Variants in ASPH observed in about 807,000 individuals in gnomAD.
ASPH encodes aspartyl/asparaginyl beta-hydroxylase.
In ASPH, 100 loss-of-function variants were observed where a neutral mutation model predicts 118.4. That is an observed-to-expected ratio of 0.84 (90% CI 0.72 to 1.00). The LOEUF (loss-of-function observed/expected upper bound fraction) is 1.00, where lower values mean the gene tolerates loss of function less well. ASPH is among the 50% of genes least tolerant of loss of function. ASPH has a pLI of 0.00. For missense variants in ASPH, 920 were observed against 919.5 expected (o/e 1.00, Z -0.01); for synonymous variants, 315 against 325.6 (o/e 0.97, Z 0.35).
chr8:61,595,054 A>G (rs1842155328), intron 14 of ASPH, among the ~76,000 whole-genome samples: 1 of 152,238 alleles, frequency 6.6e-6, no homozygotes, highest in South Asian at 2.1e-4. Context: ...TTTAGATATC[A>G]TCTGAGATTT....
chr8:61,584,375 G>T (rs7826849), intron 14 of ASPH, among the ~76,000 whole-genome samples: 132,444 of 152,266 alleles, frequency 0.87, 57,849 homozygotes, highest in African/African-American at 0.91. Context: ...ATGTCCAAAA[G>T]ATTGTTTAAA....
At chr8:61,508,155 C>T (rs1049173535) in intron 24 of ASPH, among the ~76,000 whole-genome samples, 2 of 152,184 alleles carry the variant, frequency 1.3e-5, no homozygotes, top group East Asian at 1.9e-4. Flanking sequence ...CCTAGGACTA[C>T]AGGTATGTGC....
At chr8:61,541,607 CT>C (rs1355271635) in intron 21 of ASPH, among the ~76,000 whole-genome samples, 2 of 152,176 alleles carry the variant, frequency 1.3e-5, no homozygotes, top group African/African-American at 4.8e-5. Flanking sequence ...TCAATGAACT[CT>C]GGGTTTCTGC....
At chr8:61,518,558 T>C (rs1340129167) in intron 22 of ASPH, among the ~76,000 whole-genome samples, 4 of 152,186 alleles carry the variant, frequency 2.6e-5, no homozygotes, top group Non-Finnish European at 5.9e-5. Flanking sequence ...GATTAACATA[T>C]TTTGTATGTT....
intron 5 of ASPH, among the ~76,000 whole-genome samples, chr8:61,648,480 A>G (rs1809192082): frequency 1.3e-5 from 2 of 152,164 alleles, no homozygotes; most frequent in Admixed American, 1.3e-4. Context: ...ACCAATTTGA[A>G]TTTCTGCTAC....
In ASPH at chr8:61,646,756, G is replaced by GAGAT; in HGVS notation, c.609_612dup (p.His205IlefsTer3). The GAGAT allele has an allele frequency of 1.2e-5, 19 of 1,611,926 alleles. No homozygotes were observed. The highest frequency in any genetic ancestry group is 1.6e-5 in the Non-Finnish European group (19 of 1,178,780). ...TGAAAAAAAAGTGTTCTACCTTCATGAGATACTTCAGGTTCCAGGGTCTCA... is the reference window on the plus strand; with the variant it reads ...TGAAAAAAAAGTGTTCTACCTTCATGAGATAGATACTTCAGGTTCCAGGGTCTCA... On this transcript the variant is annotated frameshift_variant, in exon 6 of 25. Transcript: ENST00000379454. LOFTEE classifies it high-confidence loss of function.
In ASPH at chr8:61,668,346, T is replaced by C. The variant is rs1820745847; in HGVS notation, c.322+12622A>G. On this transcript the variant is annotated intron_variant, in intron 3 of 24. Transcript: ENST00000379454. ...AAGGGAATTCAAAAATAAGTGTCTA[T>C]TAAATAGGTAAAATCAATGCCACTA... 4 of 1,271,656 alleles carry C rather than the reference T, an allele frequency of 3.1e-6. No homozygotes were observed. In the Admixed American group the frequency reaches 8.3e-5, roughly 26 times the overall value. 78.8% of individuals were successfully genotyped at this position (1,271,656 alleles called of 1,614,324 possible). A position where few individuals can be genotyped will look rare whatever the true frequency, so the allele number is the denominator to read the frequency against.
At chr8:61,654,486 T>C (rs957992200) in intron 3 of ASPH, among the ~76,000 whole-genome samples, 45 of 152,222 alleles carry the variant, frequency 3.0e-4, no homozygotes, top group African/African-American at 1.1e-3. Context: ...TCACTGTGCA[T>C]GGACAGCCTG....
intron 7 of ASPH, 137 bp downstream of exon 7, chr8:61,644,463 C>T (rs533106500): frequency 1.6e-4 from 95 of 608,816 alleles, no homozygotes; most frequent in South Asian, 1.7e-4. Context: ...AAATATAAGA[C>T]GTAATAAAAT....
Position 61,534,956 on chromosome 8 carries a change from G to A in ASPH, c.1765-8844C>T, listed in dbSNP as rs115840212. Among the ~76,000 whole-genome samples the A allele has an allele frequency of 8.8e-3, 1,341 of 152,286 alleles. 20 individuals carry two copies. The highest frequency in any genetic ancestry group is 0.03 in the African/African-American group (1,242 of 41,558). ...GGTTTCTTTCGAGGGCTCTCTCCTG[G>A]GCTTACAGAGGGCCAACTTCTCACT... is the stretch of plus-strand genomic sequence containing the variant. On this transcript the variant is annotated intron_variant, in intron 21 of 24. Coordinates refer to ENST00000379454, the MANE Select transcript of ASPH (RefSeq NM_004318.4).
intron 18 of ASPH, among the ~76,000 whole-genome samples, chr8:61,556,708 A>T (rs1279686046): frequency 6.6e-6 from 1 of 152,242 alleles, no homozygotes; most frequent in Non-Finnish European, 1.5e-5. Flanking sequence ...GAGAAACCAG[A>T]ACAACAACAT....
intron 19 of ASPH, among the ~76,000 whole-genome samples, chr8:61,554,098 C>T (rs146232065): frequency 1.3e-5 from 2 of 152,292 alleles, no homozygotes; most frequent in African/African-American, 4.8e-5. Flanking sequence ...AGGCAGAGTA[C>T]CAGTAAGCCA....
intron 15 of ASPH, among the ~76,000 whole-genome samples, chr8:61,577,177 G>T (rs1014573833): frequency 6.6e-6 from 1 of 151,822 alleles, no homozygotes; most frequent in Non-Finnish European, 1.5e-5. Flanking sequence ...GGCCTGTCGT[G>T]GGGTGGGGGG....
chr8:61,564,391 C>T (rs1292026536), intron 17 of ASPH, among the ~76,000 whole-genome samples: 3 of 151,190 alleles, frequency 2.0e-5, no homozygotes, highest in African/African-American at 4.9e-5. Context: ...CTCTGCCTTC[C>T]GGGTTCAAGT....
chr8:61,626,836 T>A (rs368076655), intron 13 of ASPH, among the ~76,000 whole-genome samples: 1 of 151,954 alleles, frequency 6.6e-6, no homozygotes, highest in East Asian at 1.9e-4. Context: ...CCTATCCAAC[T>A]TTTTACAATT....
intron 13 of ASPH, chr8:61,624,634 TAA>T (rs1275020681): frequency 1.0e-6 from 1 of 985,310 alleles, no homozygotes; most frequent in African/African-American, 1.7e-5. Context: ...CACATATTTG[TAA>T]AGACAAGGCT....
At chr8:61,639,829 T>G (rs1804241195) in intron 10 of ASPH, among the ~76,000 whole-genome samples, 2 of 152,178 alleles carry the variant, frequency 1.3e-5, no homozygotes, top group South Asian at 4.1e-4. Context: ...GCCCCGTGCT[T>G]GACTCCAGTC....
chr8:61,624,508 C>A, intron 13 of ASPH: 1 of 963,706 alleles, frequency 1.0e-6, no homozygotes, highest in African/African-American at 1.8e-5. Context: ...ATTAAAAATA[C>A]CTTATACTTC....
At chr8:61,576,163 A>G (rs1179088230) in intron 16 of ASPH, among the ~76,000 whole-genome samples, 2 of 152,128 alleles carry the variant, frequency 1.3e-5, no homozygotes, top group Non-Finnish European at 2.9e-5. Flanking sequence ...CTGACTAACC[A>G]TCTCATAAAA....
Sources: allele counts gnomAD v4.1 joint callset (sites outside exome capture counted in the v4.1 genomes callset), GRCh38; gene constraint gnomAD v4.1.1; transcripts MANE v1.5; gene names NCBI Gene and HGNC (gene_info 2026-07-23, HGNC 2026-07-21).